IL6ST: variants seen among roughly 807,000 people sequenced by gnomAD.
IL6ST encodes interleukin 6 cytokine family signal transducer, also known as interleukin-6 receptor subunit beta.
A neutral mutation model predicts 91.3 loss-of-function variants in IL6ST; 24 were observed. The ratio of observed to expected loss-of-function variants is 0.26; its 90% CI spans 0.19 to 0.37. IL6ST has a LOEUF of 0.37. Ranked by LOEUF, IL6ST falls within the 10% of genes least tolerant of loss-of-function variation. IL6ST has a pLI of 1.00. For synonymous variants in IL6ST, 351 were observed against 373.6 expected (o/e 0.94, Z 0.70); for missense variants, 914 against 1,078.5 (o/e 0.85, Z 2.14).
At chr5:55,955,113 A>AAAAGC in intron 10 of IL6ST, 121 bp from the exon 11 acceptor site, 1 of 690,204 alleles carries the variant, frequency 1.4e-6, no homozygotes, top group East Asian at 2.9e-5. Flanking sequence ...TTCCTTGCCT[A>AAAAGC]AAAGCACTTT....
intron 1 of IL6ST, among the ~76,000 whole-genome samples, chr5:55,987,030 T>C (rs1754014227): frequency 6.6e-6 from 1 of 152,148 alleles, no homozygotes; most frequent in South Asian, 2.1e-4. Flanking sequence ...ACAGCTGTGG[T>C]GGTGCATGCC....
At chr5:55,951,869 A>T in intron 13 of IL6ST, 60 bp downstream of exon 13, 1 of 1,038,862 alleles carries the variant, frequency 9.6e-7, no homozygotes, top group Non-Finnish European at 1.4e-6. Flanking sequence ...GACTTAAATT[A>T]GTACTTAAAA....
chr5:55,945,614 A>G (rs1381933824), intron 15 of IL6ST, among the ~76,000 whole-genome samples: 1 of 149,160 alleles, frequency 6.7e-6, no homozygotes, highest in Non-Finnish European at 1.5e-5. Flanking sequence ...AAAAAAACTG[A>G]TAAAATGAAC....
chr5:55,972,136 A>C (rs1251105930), intron 3 of IL6ST, among the ~76,000 whole-genome samples: 1 of 152,208 alleles, frequency 6.6e-6, no homozygotes, highest in Non-Finnish European at 1.5e-5. Context: ...TAAATATGAA[A>C]TATACTCTAG....
chr5:55,957,173 A>T (rs762918144), intron 9 of IL6ST, 36 bp downstream of exon 9: 15 of 1,040,510 alleles, frequency 1.4e-5, no homozygotes, highest in East Asian at 2.6e-5. Flanking sequence ...AAAAAAAAAG[A>T]TTTATAAGAG....
chr5:55,976,124 ATAAT>A lies in IL6ST; in HGVS notation c.64+87_64+90del, dbSNP rs563830884. 4.0e-4 allele frequency: 205 copies of A among 513,542 alleles called. 3 individuals are homozygous for A. The highest frequency in any genetic ancestry group is 3.4e-3 in the South Asian group (81 of 23,916). 31.8% of individuals were successfully genotyped at this position (513,542 alleles called of 1,614,324 possible). On this transcript the variant is annotated intron_variant, in intron 3 of 16. Coordinates refer to ENST00000381298, the MANE Select transcript of IL6ST (RefSeq NM_002184.4). ...ATCCTAGAAAGAATATATGAACATA[ATAAT>A]TAAACATAAGCTTAATTATATAATA... is the stretch of plus-strand genomic sequence containing the variant.
chr5:55,949,160 C>T (rs1751457224), intron 14 of IL6ST, among the ~76,000 whole-genome samples: 1 of 151,944 alleles, frequency 6.6e-6, no homozygotes, highest in African/African-American at 2.4e-5. Flanking sequence ...GTCTAAATTC[C>T]CTATAATGAA....
chr5:55,941,075 T>C lies in IL6ST; in HGVS notation c.*7A>G, dbSNP rs1246231024. On this transcript the variant is annotated 3_prime_UTR_variant, in exon 17 of 17. Coordinates refer to ENST00000381298, the MANE Select transcript of IL6ST (RefSeq NM_002184.4). ...CTGCTGAAGTTGTAGCAGGAACTAC[T>C]AGTCCTTCACTGAGGCATGTAGCCG... is the stretch of plus-strand genomic sequence containing the variant. 3 of 1,600,738 alleles carry C rather than the reference T, an allele frequency of 1.9e-6. No homozygotes were observed. Among genetic ancestry groups the C allele is most frequent in the Non-Finnish European group, 2.6e-6 (3 of 1,173,090 alleles).
At chr5:55,961,710 A>T (rs1752327256) in intron 7 of IL6ST, among the ~76,000 whole-genome samples, 1 of 151,516 alleles carries the variant, frequency 6.6e-6, no homozygotes, top group Non-Finnish European at 1.5e-5. Context: ...GTAAGCCAAG[A>T]TCATGCCATT....
intron 14 of IL6ST, among the ~76,000 whole-genome samples, 179 bp from the exon 15 acceptor site, chr5:55,947,768 GTAA>G (rs1751366302): frequency 6.6e-6 from 1 of 152,026 alleles, no homozygotes; most frequent in South Asian, 2.1e-4. Context: ...TCTCTCTTTG[GTAA>G]ATCACATCCC....
chr5:55,962,513 A>T (rs1752380650), intron 7 of IL6ST, among the ~76,000 whole-genome samples: 1 of 152,050 alleles, frequency 6.6e-6, no homozygotes, highest in African/African-American at 2.4e-5. Context: ...CCCTTCCTCT[A>T]CCTCAGTGGT....
intron 1 of IL6ST, chr5:55,993,989 G>C (rs948210924): frequency 2.1e-5 from 3 of 143,982 alleles, no homozygotes; most frequent in African/African-American, 5.1e-5. Context: ...GTTATTTTAA[G>C]GCAGTATAAT....
At position 55,937,484 on chromosome 5, in the gene IL6ST, T is replaced by A. The variant is rs1291485660; in HGVS notation, c.*3598A>T. 1 of 210,918 alleles carries A rather than the reference T, an allele frequency of 4.7e-6. No individual in the cohort carries two copies. The highest frequency in any genetic ancestry group is 9.6e-6 in the Non-Finnish European group (1 of 103,890). 13.1% of individuals were successfully genotyped at this position (210,918 alleles called of 1,614,324 possible). On this transcript the variant is annotated 3_prime_UTR_variant, in exon 17 of 17. Transcript: ENST00000381298. ...TTTGTTTTGACTTACATCATCTGAA[T>A]TCTGTTTATCGAGTCTGAAAAGGAA...
Position 55,939,622 on chromosome 5 carries a change from G to C in IL6ST, c.*1460C>G, listed in dbSNP as rs1750755868. 4.9e-6 allele frequency: 1 copy of C among 203,442 alleles called. No homozygotes were observed. The highest frequency in any genetic ancestry group is 6.0e-5 in the Admixed American group (1 of 16,774). The allele number at this position is 203,442 out of a possible 1,614,324, so 12.6% of individuals were successfully genotyped here. ...TTTCCTTTGAATTCACTTGATAGCA[G>C]TAGTCAATCACTAATAACGCTTGCT... On this transcript the variant is annotated 3_prime_UTR_variant, in exon 17 of 17. Coordinates refer to ENST00000381298, the MANE Select transcript of IL6ST (RefSeq NM_002184.4).
intron 1 of IL6ST, among the ~76,000 whole-genome samples, chr5:55,991,313 T>C (rs1000822217): frequency 1.3e-5 from 2 of 152,206 alleles, no homozygotes; most frequent in East Asian, 1.9e-4. Context: ...TTACCATTTT[T>C]CCCTATCTAC....
In IL6ST at chr5:55,948,949, A is replaced by T. The variant is rs7719246; in HGVS notation, c.1841-1360T>A. 36,782 of 152,062 alleles carry T rather than the reference A, an allele frequency of 0.24. 7,007 individuals carry two copies. Among genetic ancestry groups the T allele is most frequent in the African/African-American group, 0.53 (21,995 of 41,406 alleles). The allele number at this position is 152,062 out of a possible 1,614,324, so 9.4% of individuals were successfully genotyped here. A position where few individuals can be genotyped will look rare whatever the true frequency, so the allele number is the denominator to read the frequency against. On this transcript the variant is annotated intron_variant, in intron 14 of 16. Coordinates refer to ENST00000381298, the MANE Select transcript of IL6ST (RefSeq NM_002184.4). Reference sequence around the variant, plus strand: ...GTAAGGTCCTCGTTGGCAAGACTCAAGCCATGTGAAGAAGCCATAATGGAT... The same window carrying T: ...GTAAGGTCCTCGTTGGCAAGACTCATGCCATGTGAAGAAGCCATAATGGAT...
chr5:55,962,308 C>T (rs962239065), intron 7 of IL6ST, among the ~76,000 whole-genome samples: 1 of 152,116 alleles, frequency 6.6e-6, no homozygotes, highest in African/African-American at 2.4e-5. Context: ...AGCCCAATTC[C>T]CTAACAAGCT....
chr5:55,949,476 A>AAAAC (rs150625739), intron 14 of IL6ST, among the ~76,000 whole-genome samples: 1 of 152,058 alleles, frequency 6.6e-6, no homozygotes, highest in Non-Finnish European at 1.5e-5. Flanking sequence ...CTCTGTCTCA[A>AAAAC]AAACAAACAA....
chr5:55,979,436 TAC>T (rs1753514911), intron 2 of IL6ST, among the ~76,000 whole-genome samples: 1 of 152,220 alleles, frequency 6.6e-6, no homozygotes, highest in Admixed American at 6.5e-5. Context: ...CACTGAGCTG[TAC>T]ACTTATGAGT....
Sources: allele counts gnomAD v4.1 joint callset (sites outside exome capture counted in the v4.1 genomes callset), GRCh38; gene constraint gnomAD v4.1.1; transcripts MANE v1.5; gene names NCBI Gene and HGNC (gene_info 2026-07-23, HGNC 2026-07-21).